Variants in STAG1 observed in about 807,000 individuals in gnomAD.
STAG1 encodes cohesin subunit SA-1.
STAG1 carries 26 observed loss-of-function variants against 170.9 expected under a neutral mutation model. The ratio of observed to expected loss-of-function variants is 0.15; its 90% CI spans 0.11 to 0.21. The LOEUF (loss-of-function observed/expected upper bound fraction) is 0.21, where lower values mean the gene tolerates loss of function less well. Ranked by LOEUF, STAG1 falls within the 10% of genes least tolerant of loss-of-function variation. The pLI is 1.00. For missense variants in STAG1, 964 were observed against 1,509.5 expected, an observed-to-expected ratio of 0.64 and a Z score of 5.99; for synonymous variants, 514 against 497.7, an observed-to-expected ratio of 1.03 and a Z score of -0.44.
chr3:136,413,337 G>A (rs1458567811), intron 21 of STAG1, among the ~76,000 whole-genome samples: 1 of 148,948 alleles, frequency 6.7e-6, no homozygotes, highest in Non-Finnish European at 1.5e-5. Context: ...CGGAAATCTG[G>A]GAAAATATTG....
chr3:136,405,891 A>G (rs1457400946), intron 21 of STAG1, among the ~76,000 whole-genome samples: 1 of 151,894 alleles, frequency 6.6e-6, no homozygotes, highest in Non-Finnish European at 1.5e-5. Context: ...AAGATTATCA[A>G]GTACCAATGA....
intron 1 of STAG1, among the ~76,000 whole-genome samples, chr3:136,632,580 AAG>A (rs945379730): frequency 6.6e-6 from 1 of 152,176 alleles, no homozygotes; most frequent in African/African-American, 2.4e-5. Context: ...TCTCTGGGGT[AAG>A]AGACAGCATA....
At chr3:136,341,595 AATTTAGCTAAT>A in intron 30 of STAG1, 44 bp from the exon 31 acceptor site, 2 of 1,301,850 alleles carry the variant, frequency 1.5e-6, no homozygotes, top group Non-Finnish European at 2.2e-6. Flanking sequence ...GCAGATGATG[AATTTAGCTAAT>A]GAGCCCCAAG....
At chr3:136,455,411 C>T (rs2089080701) in intron 13 of STAG1, among the ~76,000 whole-genome samples, 1 of 152,172 alleles carries the variant, frequency 6.6e-6, no homozygotes, top group Non-Finnish European at 1.5e-5. Flanking sequence ...AAGAGAATTT[C>T]CCTAGACCCA....
intron 4 of STAG1, among the ~76,000 whole-genome samples, chr3:136,594,778 C>CT (rs1332116140): frequency 1.3e-5 from 2 of 151,504 alleles, no homozygotes; most frequent in Non-Finnish European, 2.9e-5. Context: ...GACAGTCCGA[C>CT]TTTTTTTTTG....
At chr3:136,437,417 G>A (rs2088490712) in intron 15 of STAG1, among the ~76,000 whole-genome samples, 1 of 152,196 alleles carries the variant, frequency 6.6e-6, no homozygotes, top group Non-Finnish European at 1.5e-5. Flanking sequence ...ACAGGCAAGA[G>A]CCAAACAGCC....
chr3:136,371,352 T>G lies in STAG1; in HGVS notation c.2371-2070A>C, dbSNP rs528032729. On this transcript the variant is annotated intron_variant, in intron 23 of 33. Transcript: ENST00000383202. ...TTTCTTTTGCTGTGCAGAAGCTCTT[T>G]AGTTTAATTAGATCCCATTTGTCAA... Among the ~76,000 whole-genome samples the G allele has an allele frequency of 3.3e-5, 5 of 152,158 alleles. No homozygotes were observed. The East Asian group carries it at 5.8e-4, about 18-fold the overall frequency.
At chr3:136,520,417 TAA>T (rs1934616111) in intron 7 of STAG1, among the ~76,000 whole-genome samples, 1 of 152,082 alleles carries the variant, frequency 6.6e-6, no homozygotes, top group Non-Finnish European at 1.5e-5. Flanking sequence ...TTACTGCTAC[TAA>T]AAAAGATGTA....
intron 9 of STAG1, among the ~76,000 whole-genome samples, chr3:136,487,287 TG>T (rs1184350337): frequency 6.6e-6 from 1 of 152,228 alleles, no homozygotes; most frequent in Non-Finnish European, 1.5e-5. Context: ...GCTTCATCCA[TG>T]TCCTTGGAAA....
At chr3:136,648,228 G>C (rs947229825) in intron 1 of STAG1, among the ~76,000 whole-genome samples, 3 of 152,192 alleles carry the variant, frequency 2.0e-5, no homozygotes, top group Non-Finnish European at 2.9e-5. Context: ...ACTAGACCAT[G>C]GTTGTTAACC....
chr3:136,464,681 G>C (rs2089401095), intron 13 of STAG1, among the ~76,000 whole-genome samples, 200 bp downstream of exon 13: 1 of 152,116 alleles, frequency 6.6e-6, no homozygotes, highest in South Asian at 2.1e-4. Flanking sequence ...CAGAAAAAAG[G>C]AGTATGTCAC....
chr3:136,628,643 A>G (rs1940207099), intron 2 of STAG1, among the ~76,000 whole-genome samples: 3 of 152,218 alleles, frequency 2.0e-5, no homozygotes, highest in Admixed American at 1.3e-4. Flanking sequence ...GGCATGTGTT[A>G]AAATTCTCAT....
chr3:136,667,092 A>T (rs371811889), intron 1 of STAG1, among the ~76,000 whole-genome samples: 1 of 152,210 alleles, frequency 6.6e-6, no homozygotes, highest in East Asian at 1.9e-4. Flanking sequence ...TTTTTACTCA[A>T]TAGGCGGTCT....
At chr3:136,561,054 C>T (rs888576226) in intron 5 of STAG1, among the ~76,000 whole-genome samples, 2 of 152,024 alleles carry the variant, frequency 1.3e-5, no homozygotes, top group Non-Finnish European at 2.9e-5. Context: ...TGGGCTCACA[C>T]AGTAAAATGC....
intron 6 of STAG1, among the ~76,000 whole-genome samples, chr3:136,541,540 A>ACACACACACACACACACT (rs1935902655): frequency 6.9e-5 from 7 of 101,848 alleles, no homozygotes; most frequent in Non-Finnish European, 1.5e-4. Flanking sequence ...CTTAACATTC[A>ACACACACACACACACACT]CACACACACA....
intron 14 of STAG1, 61 bp from the exon 15 acceptor site, chr3:136,443,465 TTTGAG>T (rs1478431307): frequency 3.6e-5 from 42 of 1,156,698 alleles, no homozygotes; most frequent in Middle Eastern, 2.0e-4. Flanking sequence ...CTAATACTAA[TTTGAG>T]TTAAGAAATC....
At chr3:136,434,261 G>A (rs2088391739) in intron 15 of STAG1, among the ~76,000 whole-genome samples, 1 of 152,090 alleles carries the variant, frequency 6.6e-6, no homozygotes, top group Admixed American at 6.5e-5. Context: ...GCAAGACCTT[G>A]ATATTGAGAA....
chr3:136,642,869 C>T (rs1940855420), intron 1 of STAG1, among the ~76,000 whole-genome samples: 1 of 152,148 alleles, frequency 6.6e-6, no homozygotes, highest in South Asian at 2.1e-4. Flanking sequence ...CTTCTGGTAA[C>T]CCCAGATGTT....
In STAG1 at chr3:136,398,804, G is replaced by C; in HGVS notation, c.2222C>G (p.Ser741Cys). The change falls in exon 22 of 34, where the codon TCC (serine) becomes TGC (cysteine). Residue 741 changes from serine to cysteine, a missense_variant. Physicochemically the swap from Ser to Cys is moderately radical, Grantham distance 112. Around this residue, in one of 11 missense-constraint regions of STAG1, gnomAD observed 232 missense variants for 313.0 expected, o/e 0.74. Transcript: ENST00000383202. ...CAACTGCCAAAGAATCGAATAATGG[G>C]AACACTGCAGTGCTTGCACGACTAT... ...EQIVVQALQC[S>C]HYSILWQLVK... 1 of 1,595,386 alleles carries C rather than the reference G, an allele frequency of 6.3e-7. No individual in the cohort carries two copies. Among genetic ancestry groups the C allele is most frequent in the Non-Finnish European group, 8.5e-7 (1 of 1,170,106 alleles).
Sources: gnomAD v4.1 joint callset for allele counts (sites outside exome capture counted in the v4.1 genomes callset) on GRCh38, gnomAD v4.1.1 for gene constraint, gnomAD v4.1.1 regional missense constraint, MANE v1.5 for transcripts, NCBI Gene and HGNC (gene_info 2026-07-23, HGNC 2026-07-21) for gene names.